Variants in CATSPERD observed in about 807,000 individuals in gnomAD.
CATSPERD encodes cation channel sperm-associated auxiliary subunit delta.
A neutral mutation model predicts 98.1 loss-of-function variants in CATSPERD; 86 were observed. The ratio of observed to expected loss-of-function variants is 0.88; its 90% CI spans 0.74 to 1.05. The LOEUF (loss-of-function observed/expected upper bound fraction) is 1.05. Ranked by LOEUF, CATSPERD falls within the 50% of genes least tolerant of loss-of-function variation. The pLI is 0.00. For synonymous variants in CATSPERD, 394 were observed against 390.2 expected, an observed-to-expected ratio of 1.01 and a Z score of -0.12; for missense variants, 995 against 1,005.7, an observed-to-expected ratio of 0.99 and a Z score of 0.14.
chr19:5,763,852 T>TTTTTTTTTTTTTTTTTTTTTTTTTTA, intron 16 of CATSPERD, among the ~76,000 whole-genome samples: 1 of 128,102 alleles, frequency 7.8e-6, no homozygotes, highest in Non-Finnish European at 1.7e-5. Flanking sequence ...AACTCCTTTT[T>TTTTTTTTTTTTTTTTTTTTTTTTTTA]TTTTTTTTTT....
intron 15 of CATSPERD, among the ~76,000 whole-genome samples, chr19:5,763,005 C>A (rs773502774): frequency 7.9e-6 from 1 of 126,822 alleles, no homozygotes; most frequent in Non-Finnish European, 1.7e-5. Context: ...TGGATAAATG[C>A]GTAGATGGAT....
chr19:5,776,606 C>CTG (rs543833978), intron 21 of CATSPERD, among the ~76,000 whole-genome samples: 28 of 152,194 alleles, frequency 1.8e-4, no homozygotes, highest in Non-Finnish European at 8.8e-5. Context: ...CTAGAGTGTG[C>CTG]TGATGGCTGT....
intron 13 of CATSPERD, among the ~76,000 whole-genome samples, chr19:5,754,766 C>T (rs1049903698): frequency 6.6e-6 from 1 of 152,014 alleles, no homozygotes. Flanking sequence ...GGCTGTCCAG[C>T]TGGCCGCCTG....
chr19:5,731,560 GTTTTTT>G (rs67541709), intron 4 of CATSPERD, among the ~76,000 whole-genome samples: 2 of 75,732 alleles, frequency 2.6e-5, no homozygotes, highest in African/African-American at 9.9e-5. Context: ...ACACTTAACA[GTTTTTT>G]TTTTTTTTTT....
At chr19:5,770,020 C>T (rs574276985) in intron 18 of CATSPERD, among the ~76,000 whole-genome samples, 65 of 146,408 alleles carry the variant, frequency 4.4e-4, no homozygotes, top group South Asian at 3.5e-3. Context: ...ACCCGGGAGG[C>T]GGAGGTTGCA....
At chr19:5,754,459 C>T (rs531720038) in intron 13 of CATSPERD, among the ~76,000 whole-genome samples, 2 of 130,408 alleles carry the variant, frequency 1.5e-5, no homozygotes, top group East Asian at 2.4e-4. Context: ...AGTGCAGTGG[C>T]GTGATCTCGG....
At position 5,757,829 on chromosome 19, in the gene CATSPERD, TC is replaced by T; in HGVS notation, c.1279-9del. On this transcript the variant is annotated splice_polypyrimidine_tract_variant and intron_variant, in intron 13 of 21. Coordinates refer to ENST00000381624, the MANE Select transcript of CATSPERD (RefSeq NM_152784.4). ...TGGCTCCGTACAGCCTGAGCTTCTC[TC>T]CCCCACTCCCAGGTGATGGTGAGCA... 3 of 1,608,372 alleles carry T rather than the reference TC, an allele frequency of 1.9e-6. No individual in the cohort carries two copies. Among genetic ancestry groups the T allele is most frequent in the Non-Finnish European group, 1.7e-6 (2 of 1,176,486 alleles).
rs936316398 is a variant in CATSPERD, at chr19:5,778,642, A to G, written c.2363A>G (p.His788Arg). Residue 788 changes from histidine (H) to arginine (R), a missense_variant, in exon 22 of 22, where the codon CAC becomes CGC. His to Arg is a conservative substitution (Grantham distance 29). This residue lies in a region of CATSPERD where 762 missense variants were observed against 773.7 expected (regional missense o/e 0.98). Coordinates refer to ENST00000381624, the MANE Select transcript of CATSPERD (RefSeq NM_152784.4). ...GCAGGCACAGAGCCCCCGGGACGCC[A>G]CCGCACTCCTCACGGAGGCAGGTCT... ...ARAGTEPPGR[H>R]RTPHGGRSDH is the part of the protein sequence containing the mutation. 5.6e-6 allele frequency: 9 copies of G among 1,613,424 alleles called. No homozygotes were observed. Among genetic ancestry groups the G allele is most frequent in the Non-Finnish European group, 7.6e-6 (9 of 1,180,008 alleles).
At chr19:5,771,805 G>A (rs981845037) in intron 19 of CATSPERD, among the ~76,000 whole-genome samples, 1 of 151,898 alleles carries the variant, frequency 6.6e-6, no homozygotes, top group Non-Finnish European at 1.5e-5. Flanking sequence ...TCCTGACTTC[G>A]TGATCCACCT....
chr19:5,772,214 A>AT (rs35847357), intron 19 of CATSPERD: 24,495 of 153,720 alleles, frequency 0.16, 7,128 homozygotes, highest in Non-Finnish European at 0.21. Flanking sequence ...TGCCCGGTTA[A>AT]TTTTTTTTTT....
intron 20 of CATSPERD, among the ~76,000 whole-genome samples, chr19:5,774,114 C>A (rs2056698890): frequency 6.6e-6 from 1 of 151,314 alleles, no homozygotes; most frequent in Admixed American, 6.6e-5. Context: ...CTTACAAGCA[C>A]CTGCCACCAC....
chr19:5,749,594 T>A (rs529730498), intron 11 of CATSPERD, among the ~76,000 whole-genome samples: 11 of 152,238 alleles, frequency 7.2e-5, no homozygotes, highest in African/African-American at 2.6e-4. Context: ...GGGAAGAGTA[T>A]TTAAAATACT....
chr19:5,724,700 C>T (rs545959560), intron 1 of CATSPERD, 108 bp from the exon 2 acceptor site: 3 of 1,144,444 alleles, frequency 2.6e-6, no homozygotes, highest in Admixed American at 1.7e-5. Context: ...CTCCGTCCCC[C>T]CCAAAAAAGA....
At chr19:5,772,652 G>T in intron 19 of CATSPERD, 136 bp from the exon 20 acceptor site, 1 of 807,640 alleles carries the variant, frequency 1.2e-6, no homozygotes, top group South Asian at 1.7e-5. Flanking sequence ...AGCTGGGAGC[G>T]GCAGGCGTCC....
rs767647113 is a variant in CATSPERD at position 5,766,129 on chromosome 19, C to T, written c.1533C>T (p.Asp511=). The change falls in exon 17 of 22, where the codon GAC becomes GAT. Residue 511 remains aspartate (D), a synonymous_variant. Coordinates refer to ENST00000381624, the MANE Select transcript of CATSPERD (RefSeq NM_152784.4). ...CGACACTGATTTCAGTTGGCTGCGA[C>T]CTGGATAAAAAGATCGTCATCCAGA... ...PLSTLISVGC[D]LDKKIVIQNK... is the part of the protein sequence containing the mutation. 6.2e-7 allele frequency: 1 copy of T among 1,613,130 alleles called. No homozygotes were observed. The highest frequency in any genetic ancestry group is 2.2e-5 in the East Asian group (1 of 44,818).
rs1568361193 is a variant in CATSPERD at position 5,754,254 on chromosome 19, A to G, written c.1278+9A>G. ...CATCCCTGATTCCTCTGGTAAGTAC[A>G]TCTTAATGTTTCTGCTATCTGGGAT... On this transcript the variant is annotated intron_variant, in intron 13 of 21. Transcript: ENST00000381624. 3.8e-6 allele frequency: 6 copies of G among 1,592,162 alleles called. No homozygotes were observed. The highest frequency in any genetic ancestry group is 4.3e-6 in the Non-Finnish European group (5 of 1,160,314).
intron 6 of CATSPERD, among the ~76,000 whole-genome samples, chr19:5,738,512 T>C (rs1176468298): frequency 6.6e-6 from 1 of 152,036 alleles, no homozygotes; most frequent in East Asian, 1.9e-4. Flanking sequence ...GCTGGGGCAA[T>C]AGAGCCAGAA....
chr19:5,730,885 C>T (rs1028189598), intron 4 of CATSPERD, among the ~76,000 whole-genome samples: 13 of 152,042 alleles, frequency 8.6e-5, no homozygotes, highest in Non-Finnish European at 1.5e-5. Flanking sequence ...CTTGTAGTCG[C>T]AGCTACTTGG....
intron 15 of CATSPERD, among the ~76,000 whole-genome samples, chr19:5,762,858 G>C (rs11670413): frequency 0.82 from 123,776 of 150,588 alleles, 51,060 homozygotes; most frequent in Non-Finnish European, 0.86. Context: ...ATGGATGGAT[G>C]GATAGGTGGA....
Sources: gnomAD v4.1 joint callset for allele counts (sites outside exome capture counted in the v4.1 genomes callset) on GRCh38, gnomAD v4.1.1 for gene constraint, gnomAD v4.1.1 regional missense constraint, MANE v1.5 for transcripts, NCBI Gene and HGNC (gene_info 2026-07-23, HGNC 2026-07-21) for gene names.